Variants in ANXA9 observed in about 807,000 individuals in gnomAD.
ANXA9 encodes the protein annexin 31.
In ANXA9, 47 loss-of-function variants were observed where a neutral mutation model predicts 51.8. The observed-to-expected ratio is 0.91, with a 90% CI of 0.72 to 1.16. The LOEUF (loss-of-function observed/expected upper bound fraction) is 1.16, where lower values mean the gene tolerates loss of function less well. Among genes scored for constraint, ANXA9 ranks in the 50% most tolerant of loss-of-function variants. The pLI, the probability that ANXA9 is intolerant of heterozygous loss-of-function variation, is 0.00. For missense variants in ANXA9, 361 were observed against 424.7 expected (o/e 0.85, Z 1.32); for synonymous variants, 154 against 168.7 (o/e 0.91, Z 0.68).
chr1:150,980,572 CTTTTTTT>C (rs869295630), upstream of ANXA9, among the ~76,000 whole-genome samples: 364 of 89,096 alleles, frequency 4.1e-3, 1 homozygote, highest in African/African-American at 0.016. Context: ...ACACAGATTA[CTTTTTTT>C]TTTTTTTTTT....
At chr1:150,994,452 T>C (rs1028176106) in intron 12 of ANXA9, 125 bp from the exon 13 acceptor site, 5 of 1,423,012 alleles carry the variant, frequency 3.5e-6, no homozygotes. Context: ...TAATGTATAA[T>C]GTACACTCTT....
Position 150,995,318 on chromosome 1 carries a change from T to C in ANXA9, c.1034T>C (p.Met345Thr). The change falls in exon 14 of 14, where the codon ATG (methionine) becomes ACG (threonine). Residue 345 changes from methionine (M) to threonine (T), a missense_variant. Coordinates refer to ENST00000368947, the MANE Select transcript of ANXA9 (RefSeq NM_003568.3). ...ALLALCRAEDM is the reference protein window; with the variant it reads ...ALLALCRAEDT The stretch of plus-strand genomic sequence containing the variant: ...CTGGCCTTGTGCAGGGCTGAAGACA[T>C]GTGAGACTTCCCTGCCCCACCCCAC... 3 of 1,607,526 alleles carry C rather than the reference T, an allele frequency of 1.9e-6. No individual in the cohort carries two copies. Among genetic ancestry groups the C allele is most frequent in the East Asian group, 2.3e-5 (1 of 44,286 alleles).
chr1:150,991,277 A>G (rs897424562), intron 12 of ANXA9, among the ~76,000 whole-genome samples: 17 of 147,110 alleles, frequency 1.2e-4, no homozygotes, highest in African/African-American at 4.0e-4. Context: ...CACTCTGTCG[A>G]CCAGGCTGGA....
chr1:150,985,439 T>C (rs1671530017), intron 7 of ANXA9, among the ~76,000 whole-genome samples: 1 of 152,256 alleles, frequency 6.6e-6, no homozygotes, highest in East Asian at 1.9e-4. Context: ...CCCTGATGGC[T>C]GGCCTTGCTT....
At chr1:150,984,116 C>T (rs1346588930) in intron 5 of ANXA9, 47 bp downstream of exon 5, 11 of 1,584,650 alleles carry the variant, frequency 6.9e-6, no homozygotes, top group Non-Finnish European at 8.6e-7. Context: ...GGTGAGAAAC[C>T]CCCTGGAGGA....
At chr1:150,992,012 C>T (rs1671714880) in intron 12 of ANXA9, among the ~76,000 whole-genome samples, 1 of 152,086 alleles carries the variant, frequency 6.6e-6, no homozygotes, top group East Asian at 1.9e-4. Flanking sequence ...GGTGATCCAC[C>T]AGCCTCAGTC....
chr1:150,978,731 C>T (rs377468877), upstream of ANXA9, among the ~76,000 whole-genome samples: 107 of 151,910 alleles, frequency 7.0e-4, no homozygotes, highest in East Asian at 6.7e-3. Flanking sequence ...TTTGGGAGGC[C>T]GAGGTGGGCG....
At chr1:150,979,273 C>G (rs1671378321), upstream of ANXA9, among the ~76,000 whole-genome samples, 1 of 151,808 alleles carries the variant, frequency 6.6e-6, no homozygotes, top group Non-Finnish European at 1.5e-5. Flanking sequence ...GCCAGGAGCC[C>G]CTTGGAGAGA....
At chr1:150,984,472 C>T in intron 6 of ANXA9, 78 bp downstream of exon 6, 1 of 1,520,886 alleles carries the variant, frequency 6.6e-7, no homozygotes, top group Non-Finnish European at 9.1e-7. Flanking sequence ...GACGAGAGTC[C>T]CCCTCTCGTC....
chr1:150,991,228 TTTTA>T (rs1671690797), intron 12 of ANXA9, among the ~76,000 whole-genome samples: 1 of 150,930 alleles, frequency 6.6e-6, no homozygotes, highest in Non-Finnish European at 1.5e-5. Context: ...GTATTATTCT[TTTTA>T]TTTATTTTTA....
Position 150,982,333 on chromosome 1 carries a change from C to G in ANXA9, c.-160C>G, listed in dbSNP as rs146656705. ...CGGAGGCAGTGCTCACACAGGCAAG[C>G]TACCAGGCCACAACAACGACACCCA... On this transcript the variant is annotated 5_prime_UTR_variant, in exon 1 of 14. Transcript: ENST00000368947. 287 of 153,364 alleles carry G rather than the reference C, an allele frequency of 1.9e-3. 1 individual carries two copies. The highest frequency in any genetic ancestry group is 2.5e-3 in the Non-Finnish European group (170 of 68,668). 9.5% of individuals were successfully genotyped at this position (153,364 alleles called of 1,614,324 possible).
At chr1:150,982,007 A>G (rs1355910920), upstream of ANXA9, 3 of 152,248 alleles carry the variant, frequency 2.0e-5, no homozygotes, top group East Asian at 1.9e-4. Context: ...CTTTGAGACT[A>G]GGTCTCTGTG....
Position 150,984,060 on chromosome 1 carries a change from C to T in ANXA9, c.258C>T (p.Arg86=), listed in dbSNP as rs1671489850. The change falls in exon 5 of 14, where the codon CGC becomes CGT. Residue 86 remains arginine (R), a synonymous_variant. Transcript: ENST00000368947. ...TCATCTCACGAAACTTCCAGGAGCG[C>T]ACCCAACAGGTGAGGCCATGCTGAC... ...RQLISRNFQE[R]TQQDLMKSLQ... is the part of the protein sequence containing the mutation. 1 of 1,611,460 alleles carries T rather than the reference C, an allele frequency of 6.2e-7. No homozygotes were observed.
chr1:150,992,950 C>A (rs79691949), intron 12 of ANXA9, among the ~76,000 whole-genome samples: 2 of 152,132 alleles, frequency 1.3e-5, no homozygotes, highest in African/African-American at 4.8e-5. Flanking sequence ...ACTAATGATG[C>A]ATAAAAGTTA....
chr1:150,985,523 A>G (rs879472716), intron 7 of ANXA9, among the ~76,000 whole-genome samples: 3 of 90,752 alleles, frequency 3.3e-5, no homozygotes, highest in African/African-American at 8.8e-5. Context: ...CCCCACCCCT[A>G]CCTCTTTTTC....
chr1:150,977,728 G>A (rs1028843244), upstream of ANXA9, among the ~76,000 whole-genome samples: 2 of 152,218 alleles, frequency 1.3e-5, no homozygotes, highest in African/African-American at 4.8e-5. Flanking sequence ...AGTACCTAAT[G>A]GAGATTCAGG....
At chr1:150,993,942 C>G (rs994269635) in intron 12 of ANXA9, among the ~76,000 whole-genome samples, 2 of 152,160 alleles carry the variant, frequency 1.3e-5, no homozygotes, top group East Asian at 1.9e-4. Flanking sequence ...CCTGTTATTT[C>G]TAAACTGAAC....
rs142946157 is a variant in ANXA9, at chr1:150,983,128, T to C, written c.23T>C (p.Met8Thr). The change falls in exon 3 of 14, where the codon ATG becomes ACG. Residue 8 changes from methionine (M) to threonine (T), a missense_variant. Physicochemically the swap from Met to Thr is moderately conservative, Grantham distance 81. Transcript: ENST00000368947. The stretch of plus-strand genomic sequence containing the variant: ...ACCATGTCTGTGACTGGCGGGAAGA[T>C]GGCACCGTCCCTCACCCAGGAGATC... MSVTGGKMAPSLTQEILS... is the reference protein window; with the variant it reads MSVTGGKTAPSLTQEILS... 2 of 1,613,894 alleles carry C rather than the reference T, an allele frequency of 1.2e-6. No individual in the cohort carries two copies. Among genetic ancestry groups the C allele is most frequent in the Non-Finnish European group, 1.7e-6 (2 of 1,179,964 alleles).
upstream of ANXA9, among the ~76,000 whole-genome samples, chr1:150,979,547 A>C (rs889524505): frequency 6.6e-6 from 1 of 152,120 alleles, no homozygotes; most frequent in Admixed American, 6.5e-5. Context: ...AATTCCACCC[A>C]GGAACCTGGC....
Sources: allele counts gnomAD v4.1 joint callset (sites outside exome capture counted in the v4.1 genomes callset), GRCh38; gene constraint gnomAD v4.1.1; transcripts MANE v1.5; gene names NCBI Gene and HGNC (gene_info 2026-07-23, HGNC 2026-07-21).